The following SDK2 variants were observed in gnomAD, a reference collection of about 807,000 sequenced individuals.
SDK2 encodes the protein sidekick cell adhesion molecule 2.
Under a neutral mutation model 253.9 loss-of-function variants are expected in SDK2, and 105 were observed. That is an observed-to-expected ratio of 0.41 (90% confidence interval 0.35 to 0.49). SDK2 has a LOEUF of 0.49. SDK2 is among the 20% of genes least tolerant of loss of function. SDK2 has a pLI of 0.06. For missense variants in SDK2, 2,608 were observed against 3,003.0 expected, an observed-to-expected ratio of 0.87 and a Z score of 3.07; for synonymous variants, 1,249 against 1,234.9, an observed-to-expected ratio of 1.01 and a Z score of -0.24.
chr17:73,370,306 G>C (rs748010885), intron 36 of SDK2, among the ~76,000 whole-genome samples: 1 of 152,104 alleles, frequency 6.6e-6, no homozygotes, highest in Non-Finnish European at 1.5e-5. Flanking sequence ...GCAGTGGCAC[G>C]ATCACAGCTC....
At chr17:73,538,641 A>G (rs1401448840) in intron 1 of SDK2, among the ~76,000 whole-genome samples, 1 of 152,198 alleles carries the variant, frequency 6.6e-6, no homozygotes, top group Non-Finnish European at 1.5e-5. Context: ...CCTAGCCCAC[A>G]CTGGGGATTC....
chr17:73,615,106 T>G (rs1599728221), intron 1 of SDK2, among the ~76,000 whole-genome samples: 1 of 152,156 alleles, frequency 6.6e-6, no homozygotes, highest in East Asian at 1.9e-4. Flanking sequence ...CTCATTGTCC[T>G]TGTTTTTATT....
chr17:73,543,320 G>T (rs904152923), intron 1 of SDK2, among the ~76,000 whole-genome samples: 2 of 152,110 alleles, frequency 1.3e-5, no homozygotes, highest in Non-Finnish European at 2.9e-5. Context: ...TGTGGTGTGT[G>T]TGGGGCTGTC....
Position 73,456,875 on chromosome 17 carries a change from G to A in SDK2, c.332-822C>T, listed in dbSNP as rs150268733. ...GGCTTGGAGATAGGGTTTGGGAAGGGGTATTTGTGTCTCTACCACACCCTT... is the reference window on the plus strand; with the variant it reads ...GGCTTGGAGATAGGGTTTGGGAAGGAGTATTTGTGTCTCTACCACACCCTT... On this transcript the variant is annotated intron_variant, in intron 3 of 44. Coordinates refer to ENST00000392650, the MANE Select transcript of SDK2 (RefSeq NM_001144952.2). Among the ~76,000 whole-genome samples, 518 of 152,260 alleles carry A rather than the reference G, an allele frequency of 3.4e-3. 3 individuals are homozygous for A. Among genetic ancestry groups the A allele is most frequent in the African/African-American group, 0.012 (492 of 41,548 alleles).
At chr17:73,548,920 G>A (rs1466479166) in intron 1 of SDK2, among the ~76,000 whole-genome samples, 2 of 152,194 alleles carry the variant, frequency 1.3e-5, no homozygotes, top group African/African-American at 2.4e-5. Context: ...CCCAAGATGC[G>A]TCATCCATGC....
intron 3 of SDK2, 25 bp from the exon 4 acceptor site, chr17:73,456,078 G>C: frequency 6.9e-7 from 1 of 1,459,366 alleles, no homozygotes; most frequent in Non-Finnish European, 9.1e-7. Flanking sequence ...ACGGCAGTAG[G>C]ATCAGGGGCG....
Position 73,355,174 on chromosome 17 carries a change from A to ATATATATATATATATATATATATATT in SDK2, c.5594-2538_5594-2537insAATATATATATATATATATATATATA. ...CCTACACCTCCATATATATATATAT[A>ATATATATATATATATATATATATATT]TTTTTTTTTTTTTTTTTTTTTAGAC... is the stretch of plus-strand genomic sequence containing the variant. On this transcript the variant is annotated intron_variant, in intron 40 of 44. Transcript: ENST00000392650. Among the ~76,000 whole-genome samples, 10 of 47,224 alleles carry ATATATATATATATATATATATATATT rather than the reference A, an allele frequency of 2.1e-4. No individual in the cohort carries two copies. The East Asian group carries it at 6.0e-3, about 28-fold the overall frequency. 31.0% of individuals were successfully genotyped at this position (47,224 alleles called of 152,430 possible). A position where few individuals can be genotyped will look rare whatever the true frequency, so the allele number is the denominator to read the frequency against.
At chr17:73,454,990 G>A (rs911527919) in intron 4 of SDK2, among the ~76,000 whole-genome samples, 4 of 152,094 alleles carry the variant, frequency 2.6e-5, no homozygotes, top group African/African-American at 7.2e-5. Context: ...GGTGTGAGCC[G>A]CCGCGTCCGG....
intron 30 of SDK2, among the ~76,000 whole-genome samples, chr17:73,387,107 T>C (rs960986972): frequency 1.4e-4 from 22 of 152,320 alleles, no homozygotes; most frequent in African/African-American, 3.8e-4. Context: ...ATTACAGGCA[T>C]GTGCTACCAC....
Position 73,629,726 on chromosome 17 carries a change from G to A in SDK2, c.64+14299C>T, listed in dbSNP as rs2046245302. Among the ~76,000 whole-genome samples, 1 of 152,052 alleles carries A rather than the reference G, an allele frequency of 6.6e-6. No individual in the cohort carries two copies. The highest frequency in any genetic ancestry group is 1.5e-5 in the Non-Finnish European group (1 of 68,014). ...TTCACTTGACCGTGAGCAATTTGAG[G>A]GCAAGGACCTGCCTTAGACTGGGCT... On this transcript the variant is annotated intron_variant, in intron 1 of 44. Coordinates refer to ENST00000392650, the MANE Select transcript of SDK2 (RefSeq NM_001144952.2). This position sits in a 1 kb window ranked among gnomAD's most constrained non-coding sequence, Gnocchi z 5.0.
intron 1 of SDK2, among the ~76,000 whole-genome samples, chr17:73,555,098 G>A (rs1251822742): frequency 6.6e-6 from 1 of 152,246 alleles, no homozygotes; most frequent in Non-Finnish European, 1.5e-5. Context: ...GTGAACCCTA[G>A]AGCTTGCATT....
At chr17:73,483,701 ATATATATTTT>A (rs2063752305) in intron 2 of SDK2, among the ~76,000 whole-genome samples, 2 of 63,112 alleles carry the variant, frequency 3.2e-5, no homozygotes, top group African/African-American at 1.6e-4. Context: ...ATATATATAT[ATATATATTTT>A]TTTTTTTTTT....
intron 37 of SDK2, among the ~76,000 whole-genome samples, chr17:73,366,739 G>A (rs2062688330): frequency 6.6e-6 from 1 of 152,098 alleles, no homozygotes; most frequent in South Asian, 2.1e-4. Context: ...TGCCTGCCCT[G>A]CCTGTCCACG....
chr17:73,475,542 A>C (rs974212467), intron 2 of SDK2, among the ~76,000 whole-genome samples: 1 of 152,188 alleles, frequency 6.6e-6, no homozygotes, highest in South Asian at 2.1e-4. Flanking sequence ...CGCAGAGACA[A>C]ACAAACGAAA....
At chr17:73,626,002 A>G (rs997218720) in intron 1 of SDK2, among the ~76,000 whole-genome samples, 3 of 152,192 alleles carry the variant, frequency 2.0e-5, no homozygotes, top group Admixed American at 6.5e-5. Context: ...CCAGTGGGTT[A>G]GAGAACACGT....
chr17:73,377,032 ACCTGTGGGATGAGGTGCCTTGCG>A (rs2062787450), intron 36 of SDK2, among the ~76,000 whole-genome samples: 1 of 151,592 alleles, frequency 6.6e-6, no homozygotes, highest in East Asian at 1.9e-4. Context: ...CCTACTCCCC[ACCTGTGGGATGAGGTGCCTTGCG>A]TCTCTCCTAC....
chr17:73,398,913 C>A (rs1568382497), intron 22 of SDK2, among the ~76,000 whole-genome samples: 1 of 152,146 alleles, frequency 6.6e-6, no homozygotes, highest in Non-Finnish European at 1.5e-5. Flanking sequence ...TTTTTATATT[C>A]CAGCAACTGG....
At chr17:73,371,779 G>A (rs780049116) in intron 36 of SDK2, among the ~76,000 whole-genome samples, 13 of 152,072 alleles carry the variant, frequency 8.5e-5, no homozygotes, top group Non-Finnish European at 1.8e-4. Context: ...GGCCAACATG[G>A]CGAAACTCTA....
intron 1 of SDK2, among the ~76,000 whole-genome samples, chr17:73,560,401 G>C (rs1472997097): frequency 1.3e-5 from 2 of 152,166 alleles, no homozygotes; most frequent in Non-Finnish European, 2.9e-5. Context: ...GAGTGTAGTG[G>C]TGCATCTTGG....
Sources: allele counts gnomAD v4.1 joint callset (sites outside exome capture counted in the v4.1 genomes callset), GRCh38; gene constraint gnomAD v4.1.1; non-coding constraint Gnocchi (gnomAD v3.1); transcripts MANE v1.5; gene names NCBI Gene and HGNC (gene_info 2026-07-23, HGNC 2026-07-21).